RNFT2: variants seen among roughly 807,000 people sequenced by gnomAD.
The protein encoded by RNFT2 is ring finger protein, transmembrane 2.
Under a neutral mutation model 53.0 loss-of-function variants are expected in RNFT2, and 36 were observed. The observed-to-expected ratio is 0.68, with a 90% CI of 0.52 to 0.90. RNFT2 has a LOEUF of 0.90. Ranked by LOEUF, RNFT2 falls within the 40% of genes least tolerant of loss-of-function variation. The pLI is 0.00. For missense variants in RNFT2, 514 were observed against 585.6 expected (o/e 0.88, Z 1.26); for synonymous variants, 260 against 253.2 (o/e 1.03, Z -0.26).
chr12:116,810,819 T>C (rs755353566), intron 7 of RNFT2, among the ~76,000 whole-genome samples: 5 of 152,318 alleles, frequency 3.3e-5, no homozygotes, highest in East Asian at 1.9e-4. Flanking sequence ...TTTGCTTCCA[T>C]TGGGGTAGGG....
intron 10 of RNFT2, among the ~76,000 whole-genome samples, chr12:116,846,437 A>AT (rs35922781): frequency 9.6e-5 from 10 of 104,378 alleles, no homozygotes; most frequent in African/African-American, 1.1e-4. Flanking sequence ...TGCCCAGCTA[A>AT]TTTTTTTTTT....
chr12:116,817,055 C>T (rs1246908830), intron 7 of RNFT2, among the ~76,000 whole-genome samples: 1 of 152,188 alleles, frequency 6.6e-6, no homozygotes, highest in Non-Finnish European at 1.5e-5. Context: ...CTCTGTCGCC[C>T]AGGCTAGAAT....
intron 7 of RNFT2, among the ~76,000 whole-genome samples, chr12:116,819,407 G>C (rs1875873169): frequency 1.3e-5 from 2 of 152,110 alleles, no homozygotes; most frequent in Non-Finnish European, 2.9e-5. Context: ...GCGGCCCGGG[G>C]CGCGGGGCTG....
chr12:116,822,595 A>G (rs1186301239), intron 7 of RNFT2, among the ~76,000 whole-genome samples: 2 of 152,174 alleles, frequency 1.3e-5, no homozygotes, highest in Middle Eastern at 6.3e-3. Context: ...CATCATCATC[A>G]TCACCACCAC....
intron 10 of RNFT2, among the ~76,000 whole-genome samples, chr12:116,844,180 C>G (rs1478380675): frequency 6.6e-6 from 1 of 152,058 alleles, no homozygotes; most frequent in Non-Finnish European, 1.5e-5. Context: ...GAGGTCATCA[C>G]TCTGGTGGCT....
intron 4 of RNFT2, among the ~76,000 whole-genome samples, chr12:116,752,532 A>G (rs1009278803): frequency 5.9e-5 from 9 of 152,228 alleles, no homozygotes; most frequent in African/African-American, 2.2e-4. Context: ...GAAGAAATAC[A>G]GCTTCTACAA....
At chr12:116,817,479 T>C (rs1875746305) in intron 7 of RNFT2, among the ~76,000 whole-genome samples, 1 of 152,204 alleles carries the variant, frequency 6.6e-6, no homozygotes, top group South Asian at 2.1e-4. Context: ...TCTTCTTCCT[T>C]GCTGTTATTA....
At chr12:116,803,596 T>A (rs1374502448) in intron 7 of RNFT2, among the ~76,000 whole-genome samples, 1 of 152,206 alleles carries the variant, frequency 6.6e-6, no homozygotes, top group Non-Finnish European at 1.5e-5. Context: ...CTCAAAGTTG[T>A]CACCCAACAT....
At chr12:116,754,685 A>G (rs1488345093) in intron 5 of RNFT2, among the ~76,000 whole-genome samples, 1 of 152,194 alleles carries the variant, frequency 6.6e-6, no homozygotes, top group Non-Finnish European at 1.5e-5. Flanking sequence ...CCATTCTTGC[A>G]GGAGTGAGGT....
At chr12:116,766,687 C>T (rs1169006116) in intron 5 of RNFT2, 127 bp from the exon 6 acceptor site, 9 of 722,476 alleles carry the variant, frequency 1.2e-5, no homozygotes, top group African/African-American at 3.5e-5. Flanking sequence ...AATGCCCTTC[C>T]TTTCACCTTC....
At chr12:116,825,329 G>A (rs780286268) in intron 7 of RNFT2, among the ~76,000 whole-genome samples, 2 of 152,198 alleles carry the variant, frequency 1.3e-5, no homozygotes, top group Admixed American at 6.5e-5. Context: ...GCCTAGGCTT[G>A]GAAGTCCCAG....
intron 7 of RNFT2, among the ~76,000 whole-genome samples, chr12:116,829,073 T>C (rs765105008): frequency 2.0e-5 from 3 of 150,538 alleles, no homozygotes; most frequent in Admixed American, 2.0e-4. Context: ...CAGGGTAAGA[T>C]GGAATATGCA....
intron 7 of RNFT2, among the ~76,000 whole-genome samples, chr12:116,815,715 G>T (rs778080195): frequency 5.9e-5 from 9 of 152,150 alleles, no homozygotes; most frequent in Non-Finnish European, 1.3e-4. Flanking sequence ...GCCCTGTAAG[G>T]TACCAAATTC....
rs1384485777 is a variant in RNFT2 at position 116,836,167 on chromosome 12, C to A, written c.1099-14C>A. 2.5e-6 allele frequency: 4 copies of A among 1,592,566 alleles called. No individual in the cohort carries two copies. In the South Asian group the frequency reaches 4.5e-5, roughly 18 times the overall value. The stretch of plus-strand genomic sequence containing the variant: ...GGCGCCCATAGCTGTATTTGCTTCT[C>A]CCCTCCCTCAAAGAACTATGGAGTC... On this transcript the variant is annotated splice_polypyrimidine_tract_variant and intron_variant, in intron 9 of 10. Transcript: ENST00000257575.
chr12:116,763,702 C>T (rs1258743234), intron 5 of RNFT2, among the ~76,000 whole-genome samples: 1 of 150,776 alleles, frequency 6.6e-6, no homozygotes, highest in East Asian at 2.0e-4. Flanking sequence ...TGGCGTGAAC[C>T]TGGGAGTTGG....
Position 116,756,354 on chromosome 12 carries a change from T to A in RNFT2, c.627+2294T>A, listed in dbSNP as rs549761560. Among the ~76,000 whole-genome samples the A allele has an allele frequency of 3.3e-5, 5 of 152,222 alleles. No individual in the cohort carries two copies. In the East Asian group the frequency reaches 9.6e-4, roughly 29 times the overall value. On this transcript the variant is annotated intron_variant, in intron 5 of 10. Coordinates refer to ENST00000257575, the MANE Select transcript of RNFT2 (RefSeq NM_001382266.1). ...TGTTTTGCAGCTATTGTAAAAGGGG[T>A]TGAGTTCTTGATGTGATTCTCTACT...
chr12:116,753,238 C>T (rs181516678), intron 4 of RNFT2, among the ~76,000 whole-genome samples: 2 of 151,140 alleles, frequency 1.3e-5, no homozygotes, highest in Admixed American at 1.3e-4. Flanking sequence ...GCAGCCTCCC[C>T]ATCCTGGGTT....
At chr12:116,740,714 G>A (rs1304070793) in intron 2 of RNFT2, 193 bp downstream of exon 2, 7 of 650,768 alleles carry the variant, frequency 1.1e-5, no homozygotes, top group Non-Finnish European at 1.9e-5. Context: ...CATGTCTCCT[G>A]CCAGTCCGCT....
intron 7 of RNFT2, among the ~76,000 whole-genome samples, chr12:116,826,630 A>G (rs986483418): frequency 6.6e-6 from 1 of 152,246 alleles, no homozygotes; most frequent in Non-Finnish European, 1.5e-5. Flanking sequence ...GGGGTGCCAC[A>G]TAGGCTCTCA....
Sources: allele counts gnomAD v4.1 joint callset (sites outside exome capture counted in the v4.1 genomes callset), GRCh38; gene constraint gnomAD v4.1.1; transcripts MANE v1.5; gene names NCBI Gene and HGNC (gene_info 2026-07-23, HGNC 2026-07-21).